CCSER2: variants seen among roughly 807,000 people sequenced by gnomAD.
CCSER2 encodes the protein serine-rich coiled-coil domain-containing protein 2.
A neutral mutation model predicts 92.3 loss-of-function variants in CCSER2; 46 were observed. The observed-to-expected ratio is 0.50, with a 90% CI of 0.39 to 0.64. CCSER2 has a LOEUF of 0.64. Ranked by LOEUF, CCSER2 falls within the 30% of genes least tolerant of loss-of-function variation. The probability of loss-of-function intolerance (pLI) is 0.00; values close to 1 mark genes in which losing one functional copy is unlikely to be tolerated. For synonymous variants in CCSER2, 433 were observed against 431.4 expected (o/e 1.00, Z -0.04); for missense variants, 1,244 against 1,238.9 (o/e 1.00, Z -0.06).
intron 3 of CCSER2, among the ~76,000 whole-genome samples, chr10:84,408,305 CTTA>C (rs1414461202): frequency 6.6e-6 from 1 of 152,056 alleles, no homozygotes; most frequent in African/African-American, 2.4e-5. Flanking sequence ...ATGTAATCTG[CTTA>C]TTTTCTTCTC....
intron 3 of CCSER2, among the ~76,000 whole-genome samples, chr10:84,416,686 T>C (rs1478965906): frequency 6.6e-6 from 1 of 152,246 alleles, no homozygotes; most frequent in East Asian, 1.9e-4. Context: ...TCCAGCACTT[T>C]GGGAGGCCGA....
At chr10:84,333,791 G>A (rs1400682636) in intron 1 of CCSER2, among the ~76,000 whole-genome samples, 1 of 152,210 alleles carries the variant, frequency 6.6e-6, no homozygotes, top group Non-Finnish European at 1.5e-5. Flanking sequence ...GCAGTGTATT[G>A]ATTTGGAAGA....
At position 84,373,809 on chromosome 10, in the gene CCSER2, C is replaced by T. The variant is rs773942204; in HGVS notation, c.1608C>T (p.Asn536=). Residue 536 remains asparagine, a synonymous_variant, in exon 3 of 10, where the codon AAC becomes AAT. Transcript: ENST00000372088. Reference sequence around the variant, plus strand: ...GGAGCTATGAGTCCTCTGAAATGAACAGCATAGTATGTATGGATTTATATA... The same window carrying T: ...GGAGCTATGAGTCCTCTGAAATGAATAGCATAGTATGTATGGATTTATATA... ...PVGSYESSEM[N]SIDILNNLES... 2.5e-6 allele frequency: 4 copies of T among 1,613,650 alleles called. No homozygotes were observed. Among genetic ancestry groups the T allele is most frequent in the East Asian group, 4.5e-5 (2 of 44,854 alleles).
At chr10:84,449,197 A>G (rs1401585740) in intron 6 of CCSER2, among the ~76,000 whole-genome samples, 1 of 152,162 alleles carries the variant, frequency 6.6e-6, no homozygotes, top group Non-Finnish European at 1.5e-5. Context: ...CAAAATGGCG[A>G]AACCCCATTT....
intron 9 of CCSER2, among the ~76,000 whole-genome samples, chr10:84,492,697 C>G (rs901714121): frequency 6.6e-6 from 1 of 152,078 alleles, no homozygotes; most frequent in Non-Finnish European, 1.5e-5. Flanking sequence ...GATTTTGTTA[C>G]TTTTGTTTTG....
chr10:84,383,478 T>G (rs1564617736), intron 3 of CCSER2, among the ~76,000 whole-genome samples: 1 of 152,018 alleles, frequency 6.6e-6, no homozygotes, highest in Non-Finnish European at 1.5e-5. Context: ...ACCTGGCTGA[T>G]TTTTTGTATT....
At chr10:84,503,336 A>G (rs752915949) in intron 9 of CCSER2, among the ~76,000 whole-genome samples, 7 of 152,172 alleles carry the variant, frequency 4.6e-5, no homozygotes, top group Non-Finnish European at 7.4e-5. Flanking sequence ...ACTAGTCTCT[A>G]CTTCATGATA....
At chr10:84,444,553 C>A (rs1270399823) in intron 6 of CCSER2, among the ~76,000 whole-genome samples, 1 of 151,884 alleles carries the variant, frequency 6.6e-6, no homozygotes, top group African/African-American at 2.4e-5. Flanking sequence ...TTTTTTTTAA[C>A]CCTAATCTAT....
chr10:84,356,329 T>A (rs1404839775), intron 1 of CCSER2, among the ~76,000 whole-genome samples: 1 of 152,138 alleles, frequency 6.6e-6, no homozygotes, highest in Non-Finnish European at 1.5e-5. Flanking sequence ...TCGGGATTGG[T>A]TAAATGCTGT....
At chr10:84,353,172 T>C (rs910705780) in intron 1 of CCSER2, among the ~76,000 whole-genome samples, 6 of 152,186 alleles carry the variant, frequency 3.9e-5, no homozygotes, top group African/African-American at 1.4e-4. Flanking sequence ...TTAAGGGCCC[T>C]GACAGTCATG....
intron 4 of CCSER2, among the ~76,000 whole-genome samples, chr10:84,420,769 T>C (rs941905989): frequency 1.3e-5 from 2 of 151,784 alleles, no homozygotes; most frequent in African/African-American, 4.8e-5. Context: ...CTGTCTCTAC[T>C]AAAAACACAA....
chr10:84,416,617 T>C (rs753433658), intron 3 of CCSER2, among the ~76,000 whole-genome samples: 4 of 152,170 alleles, frequency 2.6e-5, no homozygotes, highest in Non-Finnish European at 5.9e-5. Flanking sequence ...TGTAATAAAG[T>C]AGATATTTCC....
intron 1 of CCSER2, among the ~76,000 whole-genome samples, chr10:84,350,499 GA>G (rs1191520496): frequency 6.6e-6 from 1 of 152,108 alleles, no homozygotes; most frequent in Non-Finnish European, 1.5e-5. Context: ...CTAGCTAGGT[GA>G]TTAATAAATA....
chr10:84,358,680 A>G (rs1224254406), intron 1 of CCSER2, among the ~76,000 whole-genome samples: 8 of 149,026 alleles, frequency 5.4e-5, no homozygotes, highest in African/African-American at 2.0e-4. Flanking sequence ...ATATGTATAT[A>G]TATATACACA....
chr10:84,449,651 T>A (rs748908037), intron 6 of CCSER2, among the ~76,000 whole-genome samples: 1 of 152,072 alleles, frequency 6.6e-6, no homozygotes, highest in Non-Finnish European at 1.5e-5. Context: ...GGTTGGGAGT[T>A]CGAGACCAGC....
At chr10:84,398,677 C>A (rs1332043919) in intron 3 of CCSER2, among the ~76,000 whole-genome samples, 3 of 152,120 alleles carry the variant, frequency 2.0e-5, no homozygotes, top group African/African-American at 7.2e-5. Flanking sequence ...AATCTAAGAT[C>A]ATTTCTTGAG....
chr10:84,356,095 C>A (rs1448197302), intron 1 of CCSER2, among the ~76,000 whole-genome samples: 2 of 124,186 alleles, frequency 1.6e-5, no homozygotes, highest in East Asian at 2.2e-4. Context: ...AAGAGTGAAA[C>A]TGTCTCAAAA....
At chr10:84,330,357 C>G (rs61865001) in intron 1 of CCSER2, among the ~76,000 whole-genome samples, 15,586 of 152,244 alleles carry the variant, frequency 0.1, 972 homozygotes, top group Admixed American at 0.15. Flanking sequence ...ACCTAGTAAA[C>G]AACTTGCCCT....
At chr10:84,333,317 G>T (rs1038991861) in intron 1 of CCSER2, among the ~76,000 whole-genome samples, 3 of 152,132 alleles carry the variant, frequency 2.0e-5, no homozygotes, top group Admixed American at 6.5e-5. Context: ...TGAGTGCTGG[G>T]TGTTTTGCTG....
Sources: gnomAD v4.1 joint callset for allele counts (sites outside exome capture counted in the v4.1 genomes callset) on GRCh38, gnomAD v4.1.1 for gene constraint, MANE v1.5 for transcripts, NCBI Gene and HGNC (gene_info 2026-07-23, HGNC 2026-07-21) for gene names.